AGTPBP1: variants seen among roughly 807,000 people sequenced by gnomAD.
AGTPBP1 encodes cytosolic carboxypeptidase 1.
In AGTPBP1, 70 loss-of-function variants were observed where a neutral mutation model predicts 143.9. The observed-to-expected ratio is 0.49, with a 90% CI of 0.40 to 0.59. AGTPBP1 has a LOEUF of 0.59. AGTPBP1 is among the 20% of genes least tolerant of loss of function. AGTPBP1 has a pLI of 0.00. For missense variants in AGTPBP1, 1,229 were observed against 1,464.5 expected, an observed-to-expected ratio of 0.84 and a Z score of 2.62; for synonymous variants, 463 against 500.2, an observed-to-expected ratio of 0.93 and a Z score of 0.99.
chr9:85,644,831 G>A (rs1004943664), intron 12 of AGTPBP1, among the ~76,000 whole-genome samples: 16 of 152,014 alleles, frequency 1.1e-4, no homozygotes, highest in African/African-American at 3.9e-4. Flanking sequence ...TCACCTGAAG[G>A]ATGAAGGAAT....
chr9:85,785,992 C>A, the AGTPBP1 span: 1 of 803,218 alleles, frequency 1.2e-6, no homozygotes. Flanking sequence ...AGTTGAACAA[C>A]ATTATGCATA....
intron 18 of AGTPBP1, 85 bp from the exon 19 acceptor site, chr9:85,592,789 GGAAAAAA>G: frequency 1.3e-6 from 2 of 1,501,416 alleles, no homozygotes; most frequent in Non-Finnish European, 1.8e-6. Flanking sequence ...AGAACTTCAG[GGAAAAAA>G]GAAAAACCCG....
chr9:85,648,769 G>A (rs192024916), intron 11 of AGTPBP1, among the ~76,000 whole-genome samples: 17 of 152,132 alleles, frequency 1.1e-4, no homozygotes, highest in Admixed American at 1.0e-3. Flanking sequence ...CTGAGATCGC[G>A]CCACTGCACT....
chr9:85,798,478 G>A, the AGTPBP1 span, among the ~76,000 whole-genome samples: 723 of 150,438 alleles, frequency 4.8e-3, 3 homozygotes, highest in African/African-American at 0.016. Flanking sequence ...AGCAATTCTC[G>A]GCTTCAGCCT....
intron 23 of AGTPBP1, among the ~76,000 whole-genome samples, chr9:85,580,713 G>T (rs1161178363): frequency 6.6e-6 from 1 of 152,110 alleles, no homozygotes; most frequent in Non-Finnish European, 1.5e-5. Context: ...CTTTATGAAG[G>T]ACAATTTGGC....
intron 3 of AGTPBP1, among the ~76,000 whole-genome samples, chr9:85,687,505 T>G (rs1835555437): frequency 6.6e-6 from 1 of 151,850 alleles, no homozygotes; most frequent in Admixed American, 6.6e-5. Context: ...AGGATTGAAA[T>G]CAATCAAAGT....
chr9:85,795,429 C>T, the AGTPBP1 span, among the ~76,000 whole-genome samples: 1 of 152,210 alleles, frequency 6.6e-6, no homozygotes, highest in Non-Finnish European at 1.5e-5. Flanking sequence ...TAATAAACCA[C>T]AGATCCATCC....
chr9:85,573,673 G>A (rs1053057776), intron 25 of AGTPBP1, among the ~76,000 whole-genome samples: 3 of 151,332 alleles, frequency 2.0e-5, no homozygotes, highest in African/African-American at 7.3e-5. Flanking sequence ...GCCTCTTCCC[G>A]GCCGCCATCC....
the AGTPBP1 span, among the ~76,000 whole-genome samples, chr9:85,758,796 C>T: frequency 6.6e-6 from 1 of 152,068 alleles, no homozygotes; most frequent in South Asian, 2.1e-4. Flanking sequence ...AAAGATACAA[C>T]AGAGAAAACA....
At chr9:85,702,002 AATGTT>A (rs1366695344) in intron 2 of AGTPBP1, among the ~76,000 whole-genome samples, 2 of 152,160 alleles carry the variant, frequency 1.3e-5, no homozygotes, top group Non-Finnish European at 2.9e-5. Context: ...TGCCCCATAT[AATGTT>A]ATCTTTTTAC....
chr9:85,570,302 G>A (rs1827379434), intron 25 of AGTPBP1, among the ~76,000 whole-genome samples: 1 of 152,188 alleles, frequency 6.6e-6, no homozygotes, highest in South Asian at 2.1e-4. Flanking sequence ...TCCATTTAAT[G>A]TTTTTGGACT....
At position 85,621,272 on chromosome 9, in the gene AGTPBP1, G is replaced by T; in HGVS notation, c.2029C>A (p.Gln677Lys). 1 of 1,442,944 alleles carries T rather than the reference G, an allele frequency of 6.9e-7. No individual in the cohort carries two copies. The highest frequency in any genetic ancestry group is 1.8e-5 in the South Asian group (1 of 56,876). The allele number at this position is 1,442,944 out of a possible 1,614,324, so 89.4% of individuals were successfully genotyped here. A position where few individuals can be genotyped will look rare whatever the true frequency, so the allele number is the denominator to read the frequency against. ...PYGVQRTKIA[Q>K]DIERLIHQSD... is the part of the protein sequence containing the mutation. ...TGATGTATTAGCCTTTCAATATCTT[G>T]AGCAATTTTTGTCCTGAAATCATAA... The change falls in exon 15 of 26, where the codon CAA (glutamine) becomes AAA (lysine). Residue 677 changes from glutamine (Q) to lysine (K), a missense_variant. Transcript: ENST00000357081.
Position 85,547,104 on chromosome 9 carries a change from C to A in AGTPBP1, c.*5G>T. On this transcript the variant is annotated 3_prime_UTR_variant, in exon 26 of 26. Coordinates refer to ENST00000357081, the MANE Select transcript of AGTPBP1 (RefSeq NM_001330701.2). ...CTTTGCAGTTAACAAGAGATGGCAG[C>A]GGGCTCAAGGTAGGTATGTTCTTGA... The A allele has an allele frequency of 1.3e-6, 2 of 1,586,778 alleles. No individual in the cohort carries two copies. The highest frequency in any genetic ancestry group is 1.7e-6 in the Non-Finnish European group (2 of 1,169,574).
chr9:85,777,664 C>T, the AGTPBP1 span, among the ~76,000 whole-genome samples: 1 of 152,240 alleles, frequency 6.6e-6, no homozygotes, highest in Non-Finnish European at 1.5e-5. Context: ...ATACAAATAT[C>T]TTCACAGTTT....
chr9:85,579,478 C>T (rs981643469), intron 23 of AGTPBP1, among the ~76,000 whole-genome samples: 2 of 151,930 alleles, frequency 1.3e-5, no homozygotes, highest in African/African-American at 4.8e-5. Context: ...TTAATTAATA[C>T]AGCTAAGACA....
At chr9:85,797,942 G>C in the AGTPBP1 span, among the ~76,000 whole-genome samples, 1 of 152,058 alleles carries the variant, frequency 6.6e-6, no homozygotes, top group South Asian at 2.1e-4. Context: ...ACCCAGGCTG[G>C]AGTACAGAGG....
intron 2 of AGTPBP1, among the ~76,000 whole-genome samples, chr9:85,697,508 A>G (rs1189811331): frequency 8.2e-6 from 1 of 121,458 alleles, no homozygotes; most frequent in African/African-American, 3.3e-5. Flanking sequence ...GCTGGAGTGC[A>G]GTGGCGCAAT....
the AGTPBP1 span, among the ~76,000 whole-genome samples, chr9:85,747,155 C>T: frequency 5.3e-5 from 8 of 152,138 alleles, no homozygotes; most frequent in African/African-American, 4.8e-5. Context: ...CCATGCTTGG[C>T]CCCAATTTTT....
intron 25 of AGTPBP1, among the ~76,000 whole-genome samples, chr9:85,560,960 G>A (rs1047748090): frequency 6.6e-6 from 1 of 151,948 alleles, no homozygotes; most frequent in Admixed American, 6.6e-5. Context: ...AAGACATGAA[G>A]CTCCAAATTT....
Sources: allele counts gnomAD v4.1 joint callset (sites outside exome capture counted in the v4.1 genomes callset), GRCh38; gene constraint gnomAD v4.1.1; transcripts MANE v1.5; gene names NCBI Gene and HGNC (gene_info 2026-07-23, HGNC 2026-07-21).